Variants in MLLT3 observed in about 807,000 individuals in gnomAD.
MLLT3 encodes the protein MLLT3 super elongation complex subunit, also known as protein AF-9.
Under a neutral mutation model 53.2 loss-of-function variants are expected in MLLT3, and 4 were observed. That is an observed-to-expected ratio of 0.08 (90% CI 0.04 to 0.17). The LOEUF (loss-of-function observed/expected upper bound fraction) is 0.17. MLLT3 is among the 10% of genes least tolerant of loss of function. MLLT3 has a pLI of 1.00. For missense variants in MLLT3, 569 were observed against 684.0 expected (o/e 0.83, Z 1.87); for synonymous variants, 283 against 230.6 (o/e 1.23, Z -2.06).
At chr9:20,614,923 GCAAAATTATCAAA>G (rs543120970) in intron 2 of MLLT3, among the ~76,000 whole-genome samples, 68,935 of 151,626 alleles carry the variant, frequency 0.45, 16,802 homozygotes, top group Middle Eastern at 0.56. Flanking sequence ...GACCTTTAAG[GCAAAATTATCAAA>G]CCAAGTGATA....
chr9:20,579,097 C>T (rs956067801), intron 2 of MLLT3, among the ~76,000 whole-genome samples: 1 of 152,114 alleles, frequency 6.6e-6, no homozygotes, highest in African/African-American at 2.4e-5. Flanking sequence ...TATGATAGCT[C>T]GTGCCTGTAA....
chr9:20,500,838 T>G (rs1376399751), intron 2 of MLLT3, among the ~76,000 whole-genome samples: 1 of 152,228 alleles, frequency 6.6e-6, no homozygotes, highest in African/African-American at 2.4e-5. Context: ...AATCTCTTGA[T>G]GCACAGCTGC....
At chr9:20,409,763 T>A (rs910328661) in intron 5 of MLLT3, among the ~76,000 whole-genome samples, 1 of 152,334 alleles carries the variant, frequency 6.6e-6, no homozygotes, top group Admixed American at 6.5e-5. Flanking sequence ...TAGGGGAAAT[T>A]TGTTGACAAA....
At chr9:20,499,740 T>C (rs1825170164) in intron 2 of MLLT3, among the ~76,000 whole-genome samples, 1 of 152,216 alleles carries the variant, frequency 6.6e-6, no homozygotes, top group Non-Finnish European at 1.5e-5. Context: ...AAAACTTGTA[T>C]GACTGTTTCT....
intron 5 of MLLT3, among the ~76,000 whole-genome samples, chr9:20,388,492 G>A (rs1036667707): frequency 5.3e-5 from 8 of 152,250 alleles, no homozygotes; most frequent in Middle Eastern, 3.4e-3. Context: ...GGAGGCTGAG[G>A]CAGGAGAATG....
chr9:20,415,782 A>T (rs555894830), intron 4 of MLLT3, among the ~76,000 whole-genome samples: 10 of 152,106 alleles, frequency 6.6e-5, no homozygotes, highest in African/African-American at 1.7e-4. Context: ...AACAACAAAA[A>T]ATATATATAT....
At chr9:20,382,243 C>G (rs970758008) in intron 5 of MLLT3, 15 of 151,844 alleles carry the variant, frequency 9.9e-5, no homozygotes, top group African/African-American at 3.6e-4. Context: ...TTCCATCCCT[C>G]TCACCCCATT....
Position 20,343,948 on chromosome 9 carries a change from G to A in MLLT3, c.*2495C>T, listed in dbSNP as rs1820802831. On this transcript the variant is annotated 3_prime_UTR_variant, in exon 11 of 11. Coordinates refer to ENST00000380338, the MANE Select transcript of MLLT3 (RefSeq NM_004529.4). The stretch of plus-strand genomic sequence containing the variant: ...TTATTTCTGTATTTAAAAATTAGAT[G>A]AGAGCAAGATTACCACTTCAAAAAA... The A allele has an allele frequency of 4.9e-6, 1 of 203,836 alleles. No homozygotes were observed. Among genetic ancestry groups the A allele is most frequent in the African/African-American group, 2.3e-5 (1 of 43,766 alleles). The allele number at this position is 203,836 out of a possible 1,614,324, so 12.6% of individuals were successfully genotyped here. A position where few individuals can be genotyped will look rare whatever the true frequency, so the allele number is the denominator to read the frequency against.
At chr9:20,502,884 C>G (rs770108781) in intron 2 of MLLT3, among the ~76,000 whole-genome samples, 1 of 152,168 alleles carries the variant, frequency 6.6e-6, no homozygotes, top group Admixed American at 6.5e-5. Flanking sequence ...TTTCAAACAT[C>G]AGTAGCATCT....
In MLLT3 at chr9:20,621,138, C is replaced by T. The variant is rs1235652672; in HGVS notation, c.13-304G>A. Among the ~76,000 whole-genome samples the T allele has an allele frequency of 6.6e-6, 1 of 152,188 alleles. No homozygotes were observed. The highest frequency in any genetic ancestry group is 1.5e-5 in the Non-Finnish European group (1 of 68,032). Reference sequence around the variant, plus strand: ...GGAAAAGAGGGAGAACACACTCAGCCACGACAAGCACGACAACAAATGCAT... The same window carrying T: ...GGAAAAGAGGGAGAACACACTCAGCTACGACAAGCACGACAACAAATGCAT... On this transcript the variant is annotated intron_variant, in intron 1 of 10. Coordinates refer to ENST00000380338, the MANE Select transcript of MLLT3 (RefSeq NM_004529.4). The surrounding 1 kb of genome is among the most constrained non-coding windows in gnomAD (Gnocchi z 7.0).
chr9:20,410,124 C>A (rs546980573), intron 5 of MLLT3, among the ~76,000 whole-genome samples: 1 of 151,984 alleles, frequency 6.6e-6, no homozygotes, highest in African/African-American at 2.4e-5. Context: ...CACCTTGTGA[C>A]GACAAAATTC....
chr9:20,539,443 A>G (rs1304120729), intron 2 of MLLT3, among the ~76,000 whole-genome samples: 1 of 152,192 alleles, frequency 6.6e-6, no homozygotes, highest in Non-Finnish European at 1.5e-5. Flanking sequence ...TCCATATGGC[A>G]GGAGAGGCCT....
chr9:20,362,618 T>C (rs1356007895), intron 7 of MLLT3: 1 of 150,738 alleles, frequency 6.6e-6, no homozygotes, highest in African/African-American at 2.4e-5. Context: ...AGATATCTAA[T>C]GGGGCACACA....
At chr9:20,443,113 G>A (rs893864043) in intron 4 of MLLT3, among the ~76,000 whole-genome samples, 1 of 151,878 alleles carries the variant, frequency 6.6e-6, no homozygotes, top group Admixed American at 6.6e-5. Context: ...AAGGAAGGAG[G>A]GAGGGAGAGA....
At chr9:20,392,505 T>G (rs963477300) in intron 5 of MLLT3, among the ~76,000 whole-genome samples, 3 of 152,202 alleles carry the variant, frequency 2.0e-5, no homozygotes, top group African/African-American at 7.2e-5. Context: ...AAGGCCCATC[T>G]CCCTTTTCCT....
In MLLT3 at chr9:20,414,163, G is replaced by T. The variant is rs941465733; in HGVS notation, c.683C>A (p.Ser228Tyr). Residue 228 changes from serine to tyrosine, a missense_variant, in exon 5 of 11, where the codon TCT (serine) becomes TAT (tyrosine). Physicochemically the swap from Ser to Tyr is moderately radical, Grantham distance 144. Coordinates refer to ENST00000380338, the MANE Select transcript of MLLT3 (RefSeq NM_004529.4). Reference sequence around the variant, plus strand: ...GGGTTTCTTAGAGGATTCTTTGGAAGATTTGTTGTGATCCCTGGAAGGTTC... The same window carrying T: ...GGGTTTCTTAGAGGATTCTTTGGAATATTTGTTGTGATCCCTGGAAGGTTC... ...FKEPSRDHNK[S>Y]SKESSKKPKE... 10 of 1,614,066 alleles carry T rather than the reference G, an allele frequency of 6.2e-6. No homozygotes were observed. The African/African-American group carries it at 1.3e-4, about 22-fold the overall frequency.
Position 20,368,055 on chromosome 9 carries a change from G to A in MLLT3, c.1126-2311C>T, listed in dbSNP as rs141291096. The stretch of plus-strand genomic sequence containing the variant: ...ACAGGATCTCTAATGAGCAGCAGGC[G>A]GCCTACCAACCCTTCAGCACTGTAA... On this transcript the variant is annotated intron_variant, in intron 5 of 10. Transcript: ENST00000380338. Among the ~76,000 whole-genome samples the A allele has an allele frequency of 8.5e-4, 129 of 152,286 alleles. 1 individual carries two copies. The highest frequency in any genetic ancestry group is 1.5e-3 in the Non-Finnish European group (102 of 68,038).
chr9:20,523,928 G>A (rs951158060), intron 2 of MLLT3, among the ~76,000 whole-genome samples: 1 of 151,228 alleles, frequency 6.6e-6, no homozygotes, highest in African/African-American at 2.4e-5. Context: ...CCAAGATCAT[G>A]CCACTGCTCT....
rs576235651 is a variant in MLLT3, at chr9:20,556,481, G to A, written c.193+64173C>T. Reference sequence around the variant, plus strand: ...GGGCGGATCACAAGGTAAGGAGTTCGAGACCAGCCTGGCCAACAAGGTGAA... The same window carrying A: ...GGGCGGATCACAAGGTAAGGAGTTCAAGACCAGCCTGGCCAACAAGGTGAA... On this transcript the variant is annotated intron_variant, in intron 2 of 10. Transcript: ENST00000380338. Among the ~76,000 whole-genome samples the A allele has an allele frequency of 1.7e-4, 26 of 152,144 alleles. No homozygotes were observed. In the East Asian group the frequency reaches 3.5e-3, roughly 20 times the overall value.
Sources: gnomAD v4.1 joint callset for allele counts (sites outside exome capture counted in the v4.1 genomes callset) on GRCh38, gnomAD v4.1.1 for gene constraint, Gnocchi (gnomAD v3.1) non-coding constraint, MANE v1.5 for transcripts, NCBI Gene and HGNC (gene_info 2026-07-23, HGNC 2026-07-21) for gene names.